The following AXDND1 variants were observed in gnomAD, a reference collection of about 807,000 sequenced individuals.
The protein encoded by AXDND1 is axonemal dynein light chain domain containing 1, also known as axonemal dynein light chain domain-containing protein 1.
In AXDND1, 110 loss-of-function variants were observed where a neutral mutation model predicts 137.5. That is an observed-to-expected ratio of 0.80 (90% CI 0.69 to 0.94). The LOEUF (loss-of-function observed/expected upper bound fraction) is 0.94, where lower values mean the gene tolerates loss of function less well. AXDND1 is among the 40% of genes least tolerant of loss of function. The pLI is 0.00. For synonymous variants in AXDND1, 414 were observed against 399.7 expected (o/e 1.04, Z -0.43); for missense variants, 1,191 against 1,169.8 (o/e 1.02, Z -0.26).
intron 11 of AXDND1, among the ~76,000 whole-genome samples, chr1:179,404,917 T>A (rs12405875): frequency 0.47 from 71,783 of 151,484 alleles, 17,521 homozygotes; most frequent in East Asian, 0.76. Context: ...TTTTTTTTTT[T>A]AATTATACTT....
intron 12 of AXDND1, among the ~76,000 whole-genome samples, chr1:179,427,953 T>TA (rs10548259): frequency 0.33 from 46,935 of 143,904 alleles, 7,709 homozygotes; most frequent in Middle Eastern, 0.42. Flanking sequence ...GCAATCCATG[T>TA]AAAAAAAAAA....
At chr1:179,458,492 C>T (rs1661742344) in intron 16 of AXDND1, among the ~76,000 whole-genome samples, 1 of 151,950 alleles carries the variant, frequency 6.6e-6, no homozygotes, top group East Asian at 1.9e-4. Flanking sequence ...ACAGTAGGTG[C>T]AAACGTTCTA....
chr1:179,381,943 A>ATTTTTTTTTT (rs71111920), intron 6 of AXDND1, among the ~76,000 whole-genome samples: 1,659 of 104,658 alleles, frequency 0.016, no homozygotes, highest in Non-Finnish European at 0.021. Flanking sequence ...ACCACACCTA[A>ATTTTTTTTTT]TTTTTTTTTT....
At chr1:179,513,247 G>A (rs994654054) in intron 21 of AXDND1, among the ~76,000 whole-genome samples, 1 of 152,106 alleles carries the variant, frequency 6.6e-6, no homozygotes, top group Non-Finnish European at 1.5e-5. Flanking sequence ...ATTGTATGCT[G>A]ATTTTGCTGA....
chr1:179,421,366 CCTTTTTTTTTTTTTTTTTTT>C, intron 12 of AXDND1, among the ~76,000 whole-genome samples: 1 of 109,030 alleles, frequency 9.2e-6, no homozygotes, highest in Non-Finnish European at 1.8e-5. Flanking sequence ...TTTTTCTTTT[CCTTTTTTTTTTTTTTTTTTT>C]TTTTTTTTTT....
chr1:179,421,043 TCC>T (rs1655610298), intron 12 of AXDND1, among the ~76,000 whole-genome samples: 1 of 25,884 alleles, frequency 3.9e-5, no homozygotes, highest in Non-Finnish European at 1.0e-4. Context: ...ATCCCTTCCT[TCC>T]TTCCTTCCTT....
At chr1:179,369,833 T>C (rs1667855011) in intron 3 of AXDND1, 142 bp from the exon 4 acceptor site, 1 of 564,002 alleles carries the variant, frequency 1.8e-6, no homozygotes, top group South Asian at 2.7e-5. Flanking sequence ...TTATGTCATT[T>C]AATAAGAATT....
intron 25 of AXDND1, chr1:179,550,642 C>T (rs1673120637): frequency 1.3e-5 from 2 of 158,704 alleles, no homozygotes; most frequent in Admixed American, 5.9e-5. Context: ...CTTTAGGTAA[C>T]TATCAGGGTT....
At chr1:179,531,930 T>G (rs1671073944) in intron 23 of AXDND1, among the ~76,000 whole-genome samples, 1 of 152,090 alleles carries the variant, frequency 6.6e-6, no homozygotes, top group Non-Finnish European at 1.5e-5. Context: ...TGTCATATAG[T>G]GAGTAAAATA....
rs546138076 is a variant in AXDND1 at position 179,488,661 on chromosome 1, T to C, written c.2092-2877T>C. Among the ~76,000 whole-genome samples, 623 of 132,412 alleles carry C rather than the reference T, an allele frequency of 4.7e-3. 35 individuals carry two copies. The highest frequency in any genetic ancestry group is 7.2e-3 in the Middle Eastern group (2 of 276). 86.9% of individuals were successfully genotyped at this position (132,412 alleles called of 152,430 possible). A position where few individuals can be genotyped will look rare whatever the true frequency, so the allele number is the denominator to read the frequency against. ...TTTCTTTCTTTCTTTCTTTCTTTCT[T>C]TCTTTCTTTCTTTCTTTCTTTCTTT... On this transcript the variant is annotated intron_variant, in intron 18 of 25. Transcript: ENST00000367618.
At chr1:179,520,870 A>T (rs992610397) in intron 21 of AXDND1, among the ~76,000 whole-genome samples, 1 of 148,362 alleles carries the variant, frequency 6.7e-6, no homozygotes, top group Non-Finnish European at 1.5e-5. Context: ...ATATATATAC[A>T]GTTATATATA....
chr1:179,388,357 A>T (rs1265679038), intron 9 of AXDND1, among the ~76,000 whole-genome samples: 1 of 152,138 alleles, frequency 6.6e-6, no homozygotes. Flanking sequence ...ATCAGTGATG[A>T]TCTTTGACTC....
intron 5 of AXDND1, among the ~76,000 whole-genome samples, chr1:179,379,073 T>C (rs1230929998): frequency 1.3e-5 from 2 of 152,182 alleles, no homozygotes; most frequent in East Asian, 3.8e-4. Flanking sequence ...AGGATTCTTA[T>C]CTTTGGTATC....
chr1:179,464,691 A>G (rs1034982052), intron 16 of AXDND1, among the ~76,000 whole-genome samples: 12 of 152,290 alleles, frequency 7.9e-5, no homozygotes, highest in East Asian at 3.9e-4. Flanking sequence ...GTTCTCCTGG[A>G]TAATATCCTG....
intron 11 of AXDND1, among the ~76,000 whole-genome samples, chr1:179,399,358 GA>G (rs1651577952): frequency 6.6e-6 from 1 of 152,160 alleles, no homozygotes; most frequent in African/African-American, 2.4e-5. Context: ...ATGGTGCTGG[GA>G]TAATTGGCTA....
chr1:179,518,188 C>T (rs192486215), intron 21 of AXDND1, among the ~76,000 whole-genome samples: 18 of 152,164 alleles, frequency 1.2e-4, no homozygotes, highest in African/African-American at 3.9e-4. Context: ...GCGAACTGGT[C>T]CTAGTTCAGT....
At chr1:179,540,692 AGTCT>A (rs527795302) in intron 25 of AXDND1, among the ~76,000 whole-genome samples, 267 of 152,342 alleles carry the variant, frequency 1.8e-3, no homozygotes, top group African/African-American at 6.1e-3. Context: ...TTGAGGAGGC[AGTCT>A]GTCTGTTATC....
chr1:179,534,647 C>T, intron 24 of AXDND1, 83 bp from the exon 25 acceptor site: 1 of 1,489,562 alleles, frequency 6.7e-7, no homozygotes, highest in Non-Finnish European at 8.9e-7. Flanking sequence ...TCTAATCTCA[C>T]TGCCTTTTTA....
chr1:179,531,090 A>G (rs1670997752), intron 23 of AXDND1, among the ~76,000 whole-genome samples: 1 of 152,172 alleles, frequency 6.6e-6, no homozygotes, highest in East Asian at 1.9e-4. Flanking sequence ...TGGGGATGCA[A>G]TCATGGGGTA....
Sources: allele counts gnomAD v4.1 joint callset (sites outside exome capture counted in the v4.1 genomes callset), GRCh38; gene constraint gnomAD v4.1.1; transcripts MANE v1.5; gene names NCBI Gene and HGNC (gene_info 2026-07-23, HGNC 2026-07-21).